The following UTS2 variants were observed in gnomAD, a reference collection of about 807,000 sequenced individuals.
UTS2 encodes urotensin 2, also known as urotensin-2.
In UTS2, 10 loss-of-function variants were observed where a neutral mutation model predicts 12.6. The observed-to-expected ratio is 0.80, with a 90% CI of 0.49 to 1.35. The LOEUF (loss-of-function observed/expected upper bound fraction) is 1.35. Ranked by LOEUF, UTS2 falls within the 40% of genes most tolerant of loss-of-function variation. The pLI is 0.00. For missense variants in UTS2, 142 were observed against 143.2 expected (o/e 0.99, Z 0.04); for synonymous variants, 52 against 50.0 (o/e 1.04, Z -0.17).
the UTS2 span, among the ~76,000 whole-genome samples, chr1:7,900,493 T>G: frequency 6.6e-6 from 1 of 152,058 alleles, no homozygotes; most frequent in East Asian, 1.9e-4. Context: ...ATATTTTGTT[T>G]TGGCCAGGTG....
the UTS2 span, among the ~76,000 whole-genome samples, chr1:7,889,299 A>C: frequency 1.3e-5 from 2 of 150,606 alleles, no homozygotes; most frequent in Non-Finnish European, 3.0e-5. Flanking sequence ...AAAACTAGCC[A>C]GGCATGGTGG....
chr1:7,891,216 G>A, the UTS2 span, among the ~76,000 whole-genome samples: 1 of 152,176 alleles, frequency 6.6e-6, no homozygotes, highest in African/African-American at 2.4e-5. Flanking sequence ...ATCGGTTAGA[G>A]AGGAGGAACA....
the UTS2 span, among the ~76,000 whole-genome samples, chr1:7,892,887 T>C: frequency 6.6e-6 from 1 of 152,126 alleles, no homozygotes; most frequent in African/African-American, 2.4e-5. Context: ...CTTAATCACA[T>C]CTGAAAAGTC....
At chr1:7,894,010 G>T in the UTS2 span, among the ~76,000 whole-genome samples, 1 of 152,148 alleles carries the variant, frequency 6.6e-6, no homozygotes, top group Non-Finnish European at 1.5e-5. Flanking sequence ...CTGCCCAGTG[G>T]TGGGGGTGCT....
the UTS2 span, among the ~76,000 whole-genome samples, chr1:7,876,607 T>G: frequency 6.6e-6 from 1 of 151,938 alleles, no homozygotes; most frequent in African/African-American, 2.4e-5. Flanking sequence ...GGTATCCTTA[T>G]ACACCATCCA....
the UTS2 span, among the ~76,000 whole-genome samples, chr1:7,875,085 C>CT: frequency 6.9e-6 from 1 of 145,376 alleles, no homozygotes; most frequent in South Asian, 2.2e-4. Context: ...TTTTCTTTTT[C>CT]TTTTTTTAAG....
At chr1:7,902,055 C>G in the UTS2 span, among the ~76,000 whole-genome samples, 6 of 152,188 alleles carry the variant, frequency 3.9e-5, no homozygotes, top group East Asian at 1.2e-3. Flanking sequence ...CTGGACTCAG[C>G]GCTGGTAACA....
At chr1:7,862,835 G>A in the UTS2 span, among the ~76,000 whole-genome samples, 19 of 152,068 alleles carry the variant, frequency 1.2e-4, no homozygotes, top group Admixed American at 2.6e-4. Flanking sequence ...AAACTACAGC[G>A]GGACCTTTGC....
At chr1:7,887,910 T>C in the UTS2 span, among the ~76,000 whole-genome samples, 1 of 152,182 alleles carries the variant, frequency 6.6e-6, no homozygotes, top group Non-Finnish European at 1.5e-5. Flanking sequence ...TAGGATTGAA[T>C]TTCAGATGGG....
At chr1:7,900,004 C>T in the UTS2 span, among the ~76,000 whole-genome samples, 4 of 152,190 alleles carry the variant, frequency 2.6e-5, no homozygotes, top group Non-Finnish European at 5.9e-5. Context: ...GTGTACCCAA[C>T]CCGGAAGCCA....
the UTS2 span, among the ~76,000 whole-genome samples, chr1:7,891,648 A>G: frequency 6.6e-6 from 1 of 152,022 alleles, no homozygotes; most frequent in African/African-American, 2.4e-5. Context: ...ATTGGTAAGT[A>G]TATGAGGCAA....
At chr1:7,905,430 G>A in the UTS2 span, among the ~76,000 whole-genome samples, 152,168 of 152,172 alleles carry the variant, frequency 1, 76,082 homozygotes, top group Middle Eastern at 1. Context: ...TAGGCGTGAC[G>A]CCGTGCCAGG....
the UTS2 span, among the ~76,000 whole-genome samples, chr1:7,887,517 C>T: frequency 1.4e-5 from 2 of 144,000 alleles, no homozygotes; most frequent in African/African-American, 2.6e-5. Flanking sequence ...CCTAGCCTTT[C>T]GGAGGCTGAG....
At chr1:7,851,018 G>T in intron 1 of UTS2, 96 bp from the exon 2 acceptor site, 1 of 1,205,598 alleles carries the variant, frequency 8.3e-7, no homozygotes, top group Non-Finnish European at 1.2e-6. Flanking sequence ...ATAGGGAGAT[G>T]AACACTAGAA....
chr1:7,891,541 A>G, the UTS2 span, among the ~76,000 whole-genome samples: 12 of 96,442 alleles, frequency 1.2e-4, no homozygotes, highest in Non-Finnish European at 2.5e-4. Context: ...GAAAGAAAAG[A>G]AAGAAAGAAA....
chr1:7,885,133 T>TCCAA, the UTS2 span, among the ~76,000 whole-genome samples: 1 of 121,418 alleles, frequency 8.2e-6, no homozygotes, highest in Non-Finnish European at 2.0e-5. Flanking sequence ...CCACCTATCA[T>TCCAA]CCATCCATCC....
the UTS2 span, among the ~76,000 whole-genome samples, chr1:7,890,960 A>G: frequency 1.1e-5 from 1 of 87,900 alleles, no homozygotes; most frequent in South Asian, 3.4e-4. Context: ...TATTTGTGAT[A>G]CCCTCCACCC....
At chr1:7,882,066 G>A in the UTS2 span, among the ~76,000 whole-genome samples, 1 of 152,180 alleles carries the variant, frequency 6.6e-6, no homozygotes. Flanking sequence ...CAGGCGTGGT[G>A]GCATATGTGT....
the UTS2 span, among the ~76,000 whole-genome samples, chr1:7,890,503 T>C: frequency 3.9e-5 from 6 of 152,146 alleles, no homozygotes; most frequent in South Asian, 2.1e-4. Context: ...GATCTGGCAA[T>C]TCCAGTTCAA....
Sources: gnomAD v4.1 joint callset for allele counts (sites outside exome capture counted in the v4.1 genomes callset) on GRCh38, gnomAD v4.1.1 for gene constraint, MANE v1.5 for transcripts, NCBI Gene and HGNC (gene_info 2026-07-23, HGNC 2026-07-21) for gene names.